Variants in VEGFC observed in about 807,000 individuals in gnomAD.
The protein encoded by VEGFC is FLT4 ligand DHM.
A neutral mutation model predicts 46.1 loss-of-function variants in VEGFC; 12 were observed. The ratio of observed to expected loss-of-function variants is 0.26; its 90% CI spans 0.17 to 0.42. The LOEUF is 0.42. Ranked by LOEUF, VEGFC falls within the 10% of genes least tolerant of loss-of-function variation. VEGFC has a pLI of 1.00. For missense variants in VEGFC, 488 were observed against 529.4 expected, an observed-to-expected ratio of 0.92 and a Z score of 0.77; for synonymous variants, 232 against 195.5, an observed-to-expected ratio of 1.19 and a Z score of -1.56.
chr4:176,729,443 G>T, intron 2 of VEGFC, 90 bp downstream of exon 2: 1 of 1,061,226 alleles, frequency 9.4e-7, no homozygotes, highest in Non-Finnish European at 1.3e-6. Flanking sequence ...TGTATTCGGT[G>T]ATACAAACAC....
At chr4:176,755,732 T>C (rs539291699) in intron 1 of VEGFC, among the ~76,000 whole-genome samples, 2 of 152,212 alleles carry the variant, frequency 1.3e-5, no homozygotes, top group Admixed American at 1.3e-4. Context: ...CACATATTTG[T>C]ATTCATATCA....
chr4:176,761,840 A>C (rs910760014), intron 1 of VEGFC, among the ~76,000 whole-genome samples: 1 of 152,230 alleles, frequency 6.6e-6, no homozygotes, highest in African/African-American at 2.4e-5. Context: ...AAGGCATGGA[A>C]TACAAAATGA....
chr4:176,782,669 C>T (rs534908860), intron 1 of VEGFC, among the ~76,000 whole-genome samples: 16 of 151,878 alleles, frequency 1.1e-4, no homozygotes, highest in South Asian at 6.2e-4. Context: ...AATATTAATA[C>T]GAAAATTGCT....
rs1387172957 is a variant in VEGFC, at chr4:176,683,881, A to G, written c.*45T>C. The G allele has an allele frequency of 2.0e-6, 3 of 1,510,210 alleles. No homozygotes were observed. The highest frequency in any genetic ancestry group is 1.7e-5 in the Admixed American group (1 of 59,878). 93.6% of individuals were successfully genotyped at this position (1,510,210 alleles called of 1,614,324 possible). A position where few individuals can be genotyped will look rare whatever the true frequency, so the allele number is the denominator to read the frequency against. On this transcript the variant is annotated 3_prime_UTR_variant, in exon 7 of 7. Coordinates refer to ENST00000618562, the MANE Select transcript of VEGFC (RefSeq NM_005429.5). ...ACAGACAGTTCTACTGTGGCAACAC[A>G]GTTTTCCATAATAGAAAATCGATGA...
chr4:176,704,189 C>T (rs113115133), intron 4 of VEGFC, among the ~76,000 whole-genome samples: 9 of 152,034 alleles, frequency 5.9e-5, no homozygotes, highest in African/African-American at 1.7e-4. Flanking sequence ...CTCAGTCTCC[C>T]GTACAGATTA....
At chr4:176,739,352 T>C (rs1034156029) in intron 1 of VEGFC, among the ~76,000 whole-genome samples, 9 of 151,664 alleles carry the variant, frequency 5.9e-5, no homozygotes, top group African/African-American at 2.2e-4. Context: ...TCATTGCCCA[T>C]CAATGATAGA....
intron 4 of VEGFC, among the ~76,000 whole-genome samples, chr4:176,688,530 CA>C (rs1190919823): frequency 6.6e-6 from 1 of 152,110 alleles, no homozygotes; most frequent in African/African-American, 2.4e-5. Flanking sequence ...TGTACTCCCC[CA>C]AAAAGTTATC....
intron 1 of VEGFC, among the ~76,000 whole-genome samples, chr4:176,778,394 GA>G (rs34591455): frequency 0.72 from 107,908 of 150,826 alleles, 44,329 homozygotes; most frequent in East Asian, 0.99. Flanking sequence ...ACATATTTAG[GA>G]AAAAAAAAAC....
intron 3 of VEGFC, among the ~76,000 whole-genome samples, chr4:176,713,034 A>T (rs1014761136): frequency 9.9e-5 from 15 of 152,202 alleles, no homozygotes; most frequent in Admixed American, 6.5e-4. Context: ...TAAACTAAGG[A>T]TAACACTTGA....
chr4:176,736,468 T>C (rs1024712361), intron 1 of VEGFC, among the ~76,000 whole-genome samples: 3 of 56,760 alleles, frequency 5.3e-5, no homozygotes, highest in African/African-American at 9.0e-5. Flanking sequence ...CCTCAATTAG[T>C]TCTACTATAA....
At chr4:176,753,160 G>A (rs1025566061) in intron 1 of VEGFC, among the ~76,000 whole-genome samples, 2 of 152,022 alleles carry the variant, frequency 1.3e-5, no homozygotes, top group South Asian at 2.1e-4. Context: ...TGGTAGTGCT[G>A]ACTAAAAATC....
At chr4:176,783,114 A>G (rs990142013) in intron 1 of VEGFC, among the ~76,000 whole-genome samples, 1 of 152,236 alleles carries the variant, frequency 6.6e-6, no homozygotes, top group Non-Finnish European at 1.5e-5. Flanking sequence ...ACTATTTGGA[A>G]TAAACTAGAG....
At chr4:176,720,949 C>T (rs1343573218) in intron 3 of VEGFC, among the ~76,000 whole-genome samples, 1 of 145,948 alleles carries the variant, frequency 6.9e-6, no homozygotes, top group Non-Finnish European at 1.5e-5. Context: ...TGTGGAAGCA[C>T]ATAACAGAAT....
At chr4:176,718,038 T>C (rs1314241956) in intron 3 of VEGFC, among the ~76,000 whole-genome samples, 1 of 152,136 alleles carries the variant, frequency 6.6e-6, no homozygotes, top group Non-Finnish European at 1.5e-5. Flanking sequence ...AAAACCTCAA[T>C]TGAAGAGTTT....
At chr4:176,699,489 T>C (rs973452903) in intron 4 of VEGFC, among the ~76,000 whole-genome samples, 16 of 152,246 alleles carry the variant, frequency 1.1e-4, no homozygotes, top group African/African-American at 3.6e-4. Flanking sequence ...ATGAAGAACA[T>C]AGATACAGAC....
At chr4:176,790,816 G>C (rs148432906) in intron 1 of VEGFC, among the ~76,000 whole-genome samples, 1 of 152,070 alleles carries the variant, frequency 6.6e-6, no homozygotes, top group Non-Finnish European at 1.5e-5. Flanking sequence ...ACATTTCTGC[G>C]GTATTTAAGA....
At chr4:176,715,908 T>A (rs1734691174) in intron 3 of VEGFC, among the ~76,000 whole-genome samples, 6 of 152,296 alleles carry the variant, frequency 3.9e-5, no homozygotes, top group Admixed American at 3.9e-4. Flanking sequence ...GTTTACTTAG[T>A]CTTGAGAAAC....
In VEGFC at chr4:176,687,805, G is replaced by T; in HGVS notation, c.811+16C>A. The T allele has an allele frequency of 5.8e-6, 9 of 1,556,738 alleles. No homozygotes were observed. Among genetic ancestry groups the T allele is most frequent in the Non-Finnish European group, 8.0e-6 (9 of 1,131,966 alleles). On this transcript the variant is annotated intron_variant, in intron 5 of 6. Transcript: ENST00000618562. ...AGACCCCTGGCGTTTAGTCTTTAAA[G>T]CATCATTCTGCTTACCATCTCCAGC...
chr4:176,784,089 G>A (rs1405957118), intron 1 of VEGFC, among the ~76,000 whole-genome samples: 5 of 110,050 alleles, frequency 4.5e-5, no homozygotes, highest in South Asian at 3.0e-4. Context: ...TTTTGAAACA[G>A]AGTCTCACTC....
Sources: allele counts gnomAD v4.1 joint callset (sites outside exome capture counted in the v4.1 genomes callset), GRCh38; gene constraint gnomAD v4.1.1; transcripts MANE v1.5; gene names NCBI Gene and HGNC (gene_info 2026-07-23, HGNC 2026-07-21).